The following PAK1 variants were observed in gnomAD, a reference collection of about 807,000 sequenced individuals.
PAK1 encodes serine/threonine-protein kinase PAK 1.
A neutral mutation model predicts 67.4 loss-of-function variants in PAK1; 29 were observed. The ratio of observed to expected loss-of-function variants is 0.43; its 90% CI spans 0.32 to 0.59. The LOEUF (loss-of-function observed/expected upper bound fraction) is 0.59. Among genes scored for constraint, PAK1 ranks in the 20% least tolerant of loss-of-function variants. PAK1 has a pLI of 0.07. For synonymous variants in PAK1, 223 were observed against 237.4 expected (o/e 0.94, Z 0.56); for missense variants, 337 against 670.7 (o/e 0.50, Z 5.50).
the PAK1 span, among the ~76,000 whole-genome samples, chr11:77,480,513 C>G: frequency 6.6e-6 from 1 of 150,416 alleles, no homozygotes; most frequent in Admixed American, 6.6e-5. Context: ...GTCTGAGTAA[C>G]CACCATGGTT....
rs1402884397 is a variant in PAK1 at position 77,409,691 on chromosome 11, G to A, written c.-21-17150C>T. ...CAGGTAAAAAAAAAGCCAGGTACAGGAAGACAAATATCACATGTTCTCACT... is the reference window on the plus strand; with the variant it reads ...CAGGTAAAAAAAAAGCCAGGTACAGAAAGACAAATATCACATGTTCTCACT... On this transcript the variant is annotated intron_variant, in intron 1 of 14. Transcript: ENST00000356341. Among the ~76,000 whole-genome samples, 7 of 152,060 alleles carry A rather than the reference G, an allele frequency of 4.6e-5. No individual in the cohort carries two copies. In the East Asian group the frequency reaches 9.6e-4, roughly 21 times the overall value.
the PAK1 span, among the ~76,000 whole-genome samples, chr11:77,509,629 T>C: frequency 6.6e-6 from 1 of 152,210 alleles, no homozygotes; most frequent in Admixed American, 6.5e-5. Flanking sequence ...AGGTAGGGCC[T>C]GGTGGGAGGT....
the PAK1 span, among the ~76,000 whole-genome samples, chr11:77,526,146 C>T: frequency 7.2e-5 from 11 of 152,318 alleles, no homozygotes; most frequent in Middle Eastern, 6.8e-3. Context: ...GGACAAATAG[C>T]AGGATGGAGC....
chr11:77,489,659 C>G, the PAK1 span, among the ~76,000 whole-genome samples: 1 of 151,890 alleles, frequency 6.6e-6, no homozygotes, highest in South Asian at 2.1e-4. Flanking sequence ...CTGTGTTGGC[C>G]GGGCTGGTCT....
chr11:77,427,252 C>A (rs1955599422), intron 1 of PAK1, among the ~76,000 whole-genome samples: 1 of 152,186 alleles, frequency 6.6e-6, no homozygotes. Context: ...ACACATATCA[C>A]AATGCTGGCC....
At chr11:77,453,513 T>C (rs1403473623) in intron 1 of PAK1, among the ~76,000 whole-genome samples, 3 of 133,708 alleles carry the variant, frequency 2.2e-5, no homozygotes, top group Non-Finnish European at 3.3e-5. Flanking sequence ...ATGTGAGATA[T>C]ATTAAAAAAA....
At chr11:77,528,288 C>A in the PAK1 span, among the ~76,000 whole-genome samples, 2 of 151,928 alleles carry the variant, frequency 1.3e-5, no homozygotes, top group Non-Finnish European at 2.9e-5. Context: ...TATCTAATAT[C>A]CAATCCACGT....
At chr11:77,411,880 C>T (rs956681002) in intron 1 of PAK1, 3 of 152,300 alleles carry the variant, frequency 2.0e-5, no homozygotes, top group East Asian at 1.9e-4. Flanking sequence ...CCACCGGCTC[C>T]GCTCGATTCA....
rs558771174 is a variant in PAK1 at position 77,464,921 on chromosome 11, G to A, written c.-22+8631C>T. Among the ~76,000 whole-genome samples, 4 of 152,160 alleles carry A rather than the reference G, an allele frequency of 2.6e-5. No homozygotes were observed. The South Asian group carries it at 8.3e-4, about 32-fold the overall frequency. ...ATTGCTTTTACACCATCATAAAGTCGAAAAATCATTAAGTTGAACCCCTGT... is the reference window on the plus strand; with the variant it reads ...ATTGCTTTTACACCATCATAAAGTCAAAAAATCATTAAGTTGAACCCCTGT... On this transcript the variant is annotated intron_variant, in intron 1 of 14. Transcript: ENST00000356341.
chr11:77,428,534 T>C (rs2138279736), intron 1 of PAK1, among the ~76,000 whole-genome samples: 2 of 148,894 alleles, frequency 1.3e-5, no homozygotes, highest in South Asian at 4.3e-4. Context: ...ATTGCACCAC[T>C]GCACTCCAGC....
intron 13 of PAK1, among the ~76,000 whole-genome samples, chr11:77,335,629 G>A (rs1034041781): frequency 1.3e-5 from 2 of 152,052 alleles, no homozygotes; most frequent in African/African-American, 2.4e-5. Context: ...CCATAAAAGC[G>A]GCCAAAATGA....
chr11:77,389,099 T>C (rs1950812486), intron 2 of PAK1, among the ~76,000 whole-genome samples: 1 of 152,134 alleles, frequency 6.6e-6, no homozygotes. Flanking sequence ...CCTCTCCCTC[T>C]CTGCAGCCCA....
intron 1 of PAK1, among the ~76,000 whole-genome samples, chr11:77,469,392 A>G (rs1041735615): frequency 4.6e-5 from 7 of 152,202 alleles, no homozygotes; most frequent in African/African-American, 1.7e-4. Flanking sequence ...ATTCAGTAAC[A>G]TAAGCCATTT....
chr11:77,373,939 A>G (rs1388253651), intron 5 of PAK1, among the ~76,000 whole-genome samples: 1 of 152,202 alleles, frequency 6.6e-6, no homozygotes, highest in African/African-American at 2.4e-5. Context: ...ACAGTGTATC[A>G]TCCTCATTTT....
chr11:77,496,314 C>A, the PAK1 span, among the ~76,000 whole-genome samples: 1 of 152,138 alleles, frequency 6.6e-6, no homozygotes, highest in Non-Finnish European at 1.5e-5. Context: ...CCACACCTGG[C>A]CTGTATTTTT....
At chr11:77,505,354 A>G in the PAK1 span, among the ~76,000 whole-genome samples, 2 of 152,020 alleles carry the variant, frequency 1.3e-5, no homozygotes, top group Non-Finnish European at 2.9e-5. Context: ...GGCCCAGCTA[A>G]TTTTTATATT....
upstream of PAK1, chr11:77,474,659 A>G (rs1958029066): frequency 6.6e-6 from 1 of 152,078 alleles, no homozygotes; most frequent in Admixed American, 6.5e-5. Flanking sequence ...GACATGTATT[A>G]TGTTTTCTTT....
At chr11:77,366,698 C>G (rs954744718) in intron 5 of PAK1, among the ~76,000 whole-genome samples, 1 of 152,188 alleles carries the variant, frequency 6.6e-6, no homozygotes, top group Admixed American at 6.5e-5. Context: ...CAGACAACAA[C>G]AGGGACAGGC....
At chr11:77,445,783 A>G (rs1318431648) in intron 1 of PAK1, among the ~76,000 whole-genome samples, 1 of 152,232 alleles carries the variant, frequency 6.6e-6, no homozygotes, top group Non-Finnish European at 1.5e-5. Context: ...CTTAAAGATC[A>G]TGTAGTGCAA....
Sources: gnomAD v4.1 joint callset for allele counts (sites outside exome capture counted in the v4.1 genomes callset) on GRCh38, gnomAD v4.1.1 for gene constraint, MANE v1.5 for transcripts, NCBI Gene and HGNC (gene_info 2026-07-23, HGNC 2026-07-21) for gene names.